RASGRF1: variants seen among roughly 807,000 people sequenced by gnomAD.
RASGRF1 encodes the protein ras-specific guanine nucleotide-releasing factor 1.
RASGRF1 carries 40 observed loss-of-function variants against 138.7 expected under a neutral mutation model. The observed-to-expected ratio is 0.29, with a 90% CI of 0.22 to 0.38. The LOEUF (loss-of-function observed/expected upper bound fraction) is 0.38. RASGRF1 is among the 10% of genes least tolerant of loss of function. The pLI, the probability that RASGRF1 is intolerant of heterozygous loss-of-function variation, is 1.00. For synonymous variants in RASGRF1, 614 were observed against 663.2 expected, an observed-to-expected ratio of 0.93 and a Z score of 1.14; for missense variants, 1,108 against 1,650.4, an observed-to-expected ratio of 0.67 and a Z score of 5.69.
intron 1 of RASGRF1, among the ~76,000 whole-genome samples, chr15:79,074,239 C>T (rs367761601): frequency 6.6e-6 from 1 of 152,234 alleles, no homozygotes; most frequent in African/African-American, 2.4e-5. Flanking sequence ...TAGGTGATTC[C>T]GTACATGCTC....
chr15:79,035,575 C>G (rs1449045193), intron 5 of RASGRF1, among the ~76,000 whole-genome samples: 3 of 152,244 alleles, frequency 2.0e-5, no homozygotes, highest in Non-Finnish European at 4.4e-5. Flanking sequence ...CCCACACCCC[C>G]TCCCCCAAGG....
intron 3 of RASGRF1, 133 bp downstream of exon 3, chr15:79,058,200 TA>T: frequency 7.4e-7 from 1 of 1,344,636 alleles, no homozygotes; most frequent in Non-Finnish European, 1.0e-6. Context: ...CACCACGTCC[TA>T]AGTTTGGAGT....
intron 8 of RASGRF1, among the ~76,000 whole-genome samples, chr15:79,028,950 A>G (rs1235325956): frequency 2.0e-5 from 3 of 152,194 alleles, no homozygotes; most frequent in Non-Finnish European, 4.4e-5. Flanking sequence ...TAGTTTCCTC[A>G]TCTACAGAAT....
chr15:79,002,810 G>A (rs1287200256), intron 15 of RASGRF1, among the ~76,000 whole-genome samples: 4 of 152,214 alleles, frequency 2.6e-5, no homozygotes, highest in Non-Finnish European at 5.9e-5. Flanking sequence ...TGCCCCAGCT[G>A]TGCCCTCTGC....
chr15:79,086,695 T>G (rs1299027740), intron 1 of RASGRF1, among the ~76,000 whole-genome samples: 2 of 152,290 alleles, frequency 1.3e-5, no homozygotes, highest in Non-Finnish European at 2.9e-5. Flanking sequence ...GCCCACATTT[T>G]GACCCTTCCT....
intron 13 of RASGRF1, among the ~76,000 whole-genome samples, chr15:79,010,783 C>T (rs2056779591): frequency 6.6e-6 from 1 of 152,190 alleles, no homozygotes; most frequent in Non-Finnish European, 1.5e-5. Context: ...GGGGCAGGGC[C>T]TCAGCCCCAG....
At chr15:79,008,168 C>T (rs1158681683) in intron 13 of RASGRF1, among the ~76,000 whole-genome samples, 1 of 152,220 alleles carries the variant, frequency 6.6e-6, no homozygotes, top group Non-Finnish European at 1.5e-5. Context: ...GTATCTTCTA[C>T]CTAGGAGTGC....
chr15:79,053,763 C>T (rs979831225), intron 3 of RASGRF1, among the ~76,000 whole-genome samples: 7 of 152,200 alleles, frequency 4.6e-5, no homozygotes, highest in Non-Finnish European at 1.0e-4. Flanking sequence ...GACGGGCTGG[C>T]TTCATGGATG....
intron 10 of RASGRF1, among the ~76,000 whole-genome samples, chr15:79,023,754 G>A (rs1175975966): frequency 6.6e-6 from 1 of 152,158 alleles, no homozygotes; most frequent in East Asian, 1.9e-4. Context: ...CAGCTCAGCA[G>A]CCTCCAGGTC....
chr15:79,022,308 C>T (rs1209371658), intron 10 of RASGRF1, among the ~76,000 whole-genome samples: 5 of 152,026 alleles, frequency 3.3e-5, no homozygotes, highest in East Asian at 1.9e-4. Flanking sequence ...GGCATGGTAG[C>T]GGGTGCCTAT....
At position 78,960,876 on chromosome 15, in the gene RASGRF1, T is replaced by C. The variant is rs1250938594; in HGVS notation, c.*1268A>G. 1 of 152,162 alleles carries C rather than the reference T, an allele frequency of 6.6e-6. No homozygotes were observed. Among genetic ancestry groups the C allele is most frequent in the Non-Finnish European group, 1.5e-5 (1 of 68,028 alleles). The allele number at this position is 152,162 out of a possible 1,614,324, so 9.4% of individuals were successfully genotyped here. ...AAGTGCTCATCAAATATTCCTTGAC[T>C]GAACGAATGAAACCCATCAAAACTC... On this transcript the variant is annotated 3_prime_UTR_variant, in exon 27 of 27. Coordinates refer to ENST00000558480, the MANE Select transcript of RASGRF1 (RefSeq NM_001145648.3).
Position 78,998,823 on chromosome 15 carries a change from A to G in RASGRF1, c.2749T>C (p.Phe917Leu). The G allele has an allele frequency of 6.2e-7, 1 of 1,612,036 alleles. No individual in the cohort carries two copies. Among genetic ancestry groups the G allele is most frequent in the Non-Finnish European group, 8.5e-7 (1 of 1,178,202 alleles). ...YRRMSLASAG[F>L]PPDQRNGDKE... ...TCTCCATTCCTCTGGTCTGGGGGAA[A>G]CCCTGGCAGCATGCGTGGCAGAGGG... is the stretch of plus-strand genomic sequence containing the variant. Residue 917 changes from phenylalanine to leucine, a missense_variant and splice_region_variant, in exon 18 of 27, where the codon TTT (phenylalanine) becomes CTT (leucine). Phe to Leu is a conservative substitution (Grantham distance 22). This residue lies in a region of RASGRF1 where 686 missense variants were observed against 976.7 expected (regional missense o/e 0.70). Coordinates refer to ENST00000558480, the MANE Select transcript of RASGRF1 (RefSeq NM_001145648.3).
In RASGRF1 at chr15:79,079,858, G is replaced by C. The variant is rs1208506904; in HGVS notation, c.276+10365C>G. Among the ~76,000 whole-genome samples the C allele has an allele frequency of 3.3e-5, 5 of 152,264 alleles. 1 individual carries two copies. Among genetic ancestry groups the C allele is most frequent in the Middle Eastern group, 6.8e-3 (2 of 294 alleles). ...GTCCAATTGACCTTCCATTCCCCAG[G>C]CTTCTCCAAGCTGCACCCTGTGTTA... On this transcript the variant is annotated intron_variant, in intron 1 of 26. Coordinates refer to ENST00000558480, the MANE Select transcript of RASGRF1 (RefSeq NM_001145648.3).
In RASGRF1 at chr15:78,980,685, A is replaced by G; in HGVS notation, c.3429T>C (p.Ile1143=). The change falls in exon 24 of 27, where the codon ATT becomes ATC. Residue 1143 remains isoleucine (I), a synonymous_variant. Coordinates refer to ENST00000558480, the MANE Select transcript of RASGRF1 (RefSeq NM_001145648.3). The stretch of plus-strand genomic sequence containing the variant: ...ATGACACAAGCTTTTGGAGCTTATC[A>G]ATCAAAGCTTTAGTCTAGAAGGAAG... The part of the protein sequence containing the change: ...LKVSKQTKAL[I]DKLQKLVSSE... The G allele has an allele frequency of 1.2e-6, 2 of 1,603,822 alleles. No individual in the cohort carries two copies. Among genetic ancestry groups the G allele is most frequent in the Non-Finnish European group, 1.7e-6 (2 of 1,171,512 alleles).
Position 78,990,267 on chromosome 15 carries a change from G to T in RASGRF1, c.3138C>A (p.Phe1046Leu). 6.2e-7 allele frequency: 1 copy of T among 1,605,188 alleles called. No homozygotes were observed. The highest frequency in any genetic ancestry group is 8.5e-7 in the Non-Finnish European group (1 of 1,171,822). The change falls in exon 22 of 27, where the codon TTC (phenylalanine) becomes TTA (leucine). Residue 1046 changes from phenylalanine (F) to leucine (L), a missense_variant. By Grantham distance (22) the Phe-to-Leu change is conservative. Coordinates refer to ENST00000558480, the MANE Select transcript of RASGRF1 (RefSeq NM_001145648.3). ...LVFKKIPYEE[F>L]FGQGWMKLEK... Reference sequence around the variant, plus strand: ...CCAGTTTCATCCATCCTTGTCCGAAGAACTCCCTGTAGGAAGTAAGGGGAG... The same window carrying T: ...CCAGTTTCATCCATCCTTGTCCGAATAACTCCCTGTAGGAAGTAAGGGGAG...
rs1363536425 is a variant in RASGRF1 at position 79,032,963 on chromosome 15, C to A, written c.959-647G>T. Among the ~76,000 whole-genome samples the A allele has an allele frequency of 6.6e-6, 1 of 152,206 alleles. No homozygotes were observed. Among genetic ancestry groups the A allele is most frequent in the East Asian group, 1.9e-4 (1 of 5,194 alleles). Reference sequence around the variant, plus strand: ...GGTCACAGGGCAAGTCAGCAGCCGGCCTGGGGCTGGGTCTCCTGACCTCCT... The same window carrying A: ...GGTCACAGGGCAAGTCAGCAGCCGGACTGGGGCTGGGTCTCCTGACCTCCT... On this transcript the variant is annotated intron_variant, in intron 6 of 26. Coordinates refer to ENST00000558480, the MANE Select transcript of RASGRF1 (RefSeq NM_001145648.3). The surrounding 1 kb of genome is among the most constrained non-coding windows in gnomAD (Gnocchi z 4.5).
chr15:79,001,814 ACTTTT>A (rs1218017757), intron 15 of RASGRF1, 27 bp from the exon 16 acceptor site: 8 of 1,359,572 alleles, frequency 5.9e-6, no homozygotes, highest in African/African-American at 1.5e-5. Flanking sequence ...AAATAATTTT[ACTTTT>A]CTTAATTTTA....
intron 5 of RASGRF1, among the ~76,000 whole-genome samples, chr15:79,044,379 GT>G (rs1394548412): frequency 6.6e-6 from 1 of 152,194 alleles, no homozygotes; most frequent in Non-Finnish European, 1.5e-5. Context: ...AGCCTCTTTG[GT>G]GGTTCTCACC....
At chr15:78,965,480 CT>C (rs35252289) in intron 26 of RASGRF1, among the ~76,000 whole-genome samples, 10 of 152,160 alleles carry the variant, frequency 6.6e-5, no homozygotes, top group African/African-American at 1.7e-4. Flanking sequence ...GACAGCAATG[CT>C]TTTTTTATAA....
Sources: gnomAD v4.1 joint callset for allele counts (sites outside exome capture counted in the v4.1 genomes callset) on GRCh38, gnomAD v4.1.1 for gene constraint, gnomAD v4.1.1 regional missense constraint, Gnocchi (gnomAD v3.1) non-coding constraint, MANE v1.5 for transcripts, NCBI Gene and HGNC (gene_info 2026-07-23, HGNC 2026-07-21) for gene names.